Variants in ZNF385B observed in about 807,000 individuals in gnomAD.
The protein encoded by ZNF385B is zinc finger protein 385B, also known as zinc finger protein 533.
ZNF385B carries 23 observed loss-of-function variants against 39.2 expected under a neutral mutation model. That is an observed-to-expected ratio of 0.59 (90% CI 0.42 to 0.83). ZNF385B has a LOEUF of 0.83. ZNF385B is among the 40% of genes least tolerant of loss of function. ZNF385B has a pLI of 0.00. For synonymous variants in ZNF385B, 205 were observed against 222.6 expected (o/e 0.92, Z 0.70); for missense variants, 552 against 598.9 (o/e 0.92, Z 0.82).
chr2:179,742,196 T>G (rs2106452242), intron 3 of ZNF385B, among the ~76,000 whole-genome samples: 1 of 152,246 alleles, frequency 6.6e-6, no homozygotes, highest in East Asian at 1.9e-4. Flanking sequence ...ATCAGTCCTT[T>G]ATTTCTTGAC....
At chr2:179,788,446 G>C (rs1222385530) in intron 1 of ZNF385B, among the ~76,000 whole-genome samples, 2 of 152,164 alleles carry the variant, frequency 1.3e-5, no homozygotes, top group Non-Finnish European at 2.9e-5. Context: ...AGTAACATGA[G>C]AAGAAAATAG....
At chr2:179,493,018 T>C (rs2055412256) in intron 5 of ZNF385B, among the ~76,000 whole-genome samples, 2 of 152,134 alleles carry the variant, frequency 1.3e-5, no homozygotes, top group East Asian at 1.9e-4. Context: ...ATCTATAACT[T>C]TGATTCACCG....
chr2:179,710,728 C>CTAT (rs1304466200), intron 3 of ZNF385B, among the ~76,000 whole-genome samples: 1 of 152,114 alleles, frequency 6.6e-6, no homozygotes, highest in African/African-American at 2.4e-5. Context: ...CCCCGTCCAC[C>CTAT]CATAGACGGT....
chr2:179,671,162 ACTGTCAGCTG>A (rs1695944190), intron 3 of ZNF385B, among the ~76,000 whole-genome samples: 1 of 152,228 alleles, frequency 6.6e-6, no homozygotes, highest in Non-Finnish European at 1.5e-5. Flanking sequence ...GGTTCTGGCG[ACTGTCAGCTG>A]CTTAATGTTC....
At chr2:179,613,430 C>T (rs955890798) in intron 3 of ZNF385B, among the ~76,000 whole-genome samples, 3 of 152,188 alleles carry the variant, frequency 2.0e-5, no homozygotes, top group African/African-American at 7.2e-5. Flanking sequence ...ACCTGGGTCA[C>T]TGCTGATTAT....
At chr2:179,817,158 T>C (rs1037495905) in intron 1 of ZNF385B, among the ~76,000 whole-genome samples, 4 of 152,224 alleles carry the variant, frequency 2.6e-5, no homozygotes, top group African/African-American at 4.8e-5. Flanking sequence ...TTGTCTCCTA[T>C]TGAAATACTA....
chr2:179,603,146 T>C (rs1203573473), intron 3 of ZNF385B, among the ~76,000 whole-genome samples: 3 of 152,192 alleles, frequency 2.0e-5, no homozygotes, highest in African/African-American at 7.2e-5. Context: ...GGTGCTGAAG[T>C]AGGACAAATG....
intron 3 of ZNF385B, among the ~76,000 whole-genome samples, chr2:179,622,957 G>A (rs1307237473): frequency 1.3e-5 from 2 of 152,246 alleles, no homozygotes; most frequent in Non-Finnish European, 2.9e-5. Context: ...GCACACACAA[G>A]CTAAAATCTC....
intron 1 of ZNF385B, among the ~76,000 whole-genome samples, chr2:179,797,804 C>T (rs888821426): frequency 7.9e-5 from 12 of 152,122 alleles, no homozygotes; most frequent in African/African-American, 2.9e-4. Flanking sequence ...CATCAGGAGG[C>T]ATATGATGTC....
chr2:179,443,419 A>T lies in ZNF385B; in HGVS notation c.1292T>A (p.Phe431Tyr). ...KDMMKPLAPAFLSSPLAAAAA... is the reference protein window; with the variant it reads ...KDMMKPLAPAYLSSPLAAAAA... ...CGCCGCTGCGAGAGGTGAGGACAGGAAGGCTGGGGCCAAAGGCTTCATCAT... is the reference window on the plus strand; with the variant it reads ...CGCCGCTGCGAGAGGTGAGGACAGGTAGGCTGGGGCCAAAGGCTTCATCAT... Residue 431 changes from phenylalanine to tyrosine, a missense_variant, in exon 10 of 10, where the codon TTC (phenylalanine) becomes TAC (tyrosine). Transcript: ENST00000410066. 6.2e-7 allele frequency: 1 copy of T among 1,611,426 alleles called. No individual in the cohort carries two copies. Among genetic ancestry groups the T allele is most frequent in the South Asian group, 1.1e-5 (1 of 90,564 alleles).
At chr2:179,509,087 C>T (rs1310550587) in intron 5 of ZNF385B, among the ~76,000 whole-genome samples, 5 of 151,996 alleles carry the variant, frequency 3.3e-5, no homozygotes, top group African/African-American at 1.2e-4. Flanking sequence ...GCTGGGACTA[C>T]AGGCACCCAC....
chr2:179,679,985 ACTTT>A (rs1250438434), intron 3 of ZNF385B, among the ~76,000 whole-genome samples: 1 of 152,196 alleles, frequency 6.6e-6, no homozygotes, highest in African/African-American at 2.4e-5. Flanking sequence ...AAATGGCTCC[ACTTT>A]CTTTCTCACT....
At chr2:179,640,780 A>T (rs1193666320) in intron 3 of ZNF385B, among the ~76,000 whole-genome samples, 1 of 152,120 alleles carries the variant, frequency 6.6e-6, no homozygotes, top group African/African-American at 2.4e-5. Flanking sequence ...TGAGTAAAAA[A>T]CAGAACAACA....
At chr2:179,745,855 G>T (rs1332366930) in intron 3 of ZNF385B, 2 of 1,343,690 alleles carry the variant, frequency 1.5e-6, no homozygotes, top group Non-Finnish European at 1.9e-6. Flanking sequence ...GATTATCTGT[G>T]TGACAGCACC....
intron 3 of ZNF385B, among the ~76,000 whole-genome samples, chr2:179,581,471 G>T (rs896197596): frequency 6.6e-6 from 1 of 152,188 alleles, no homozygotes; most frequent in Admixed American, 6.5e-5. Flanking sequence ...TCCTAGGAAG[G>T]TCTATCTTTA....
At chr2:179,513,893 C>A (rs577672589) in intron 5 of ZNF385B, among the ~76,000 whole-genome samples, 1 of 152,256 alleles carries the variant, frequency 6.6e-6, no homozygotes, top group Admixed American at 6.5e-5. Flanking sequence ...GAGATCCAGA[C>A]TTATGTCCTA....
chr2:179,728,876 A>G (rs1701192625), intron 3 of ZNF385B, among the ~76,000 whole-genome samples: 1 of 152,104 alleles, frequency 6.6e-6, no homozygotes, highest in African/African-American at 2.4e-5. Flanking sequence ...TTAAGTCAGG[A>G]AACTATTGAA....
chr2:179,531,491 C>G (rs1392266842), intron 4 of ZNF385B, among the ~76,000 whole-genome samples: 1 of 151,986 alleles, frequency 6.6e-6, no homozygotes, highest in Non-Finnish European at 1.5e-5. Context: ...CAAAAATCAG[C>G]TGGGTGTGGT....
chr2:179,623,583 C>T (rs1199272512), intron 3 of ZNF385B, among the ~76,000 whole-genome samples: 1 of 152,118 alleles, frequency 6.6e-6, no homozygotes, highest in Non-Finnish European at 1.5e-5. Flanking sequence ...ATCCTATCTC[C>T]AAGATACGGT....
Sources: allele counts gnomAD v4.1 joint callset (sites outside exome capture counted in the v4.1 genomes callset), GRCh38; gene constraint gnomAD v4.1.1; transcripts MANE v1.5; gene names NCBI Gene and HGNC (gene_info 2026-07-23, HGNC 2026-07-21).